The following SIRT5 variants were observed in gnomAD, a reference collection of about 807,000 sequenced individuals.
SIRT5 encodes the protein NAD-dependent protein deacylase sirtuin-5, mitochondrial.
A neutral mutation model predicts 40.0 loss-of-function variants in SIRT5; 26 were observed. That is an observed-to-expected ratio of 0.65 (90% confidence interval 0.48 to 0.90). SIRT5 has a LOEUF of 0.90. SIRT5 is among the 40% of genes least tolerant of loss of function. SIRT5 has a pLI of 0.00. For synonymous variants in SIRT5, 146 were observed against 149.1 expected (o/e 0.98, Z 0.15); for missense variants, 401 against 402.4 (o/e 1.00, Z 0.03).
At chr6:13,577,785 C>G (rs1758816192) in intron 1 of SIRT5, among the ~76,000 whole-genome samples, 1 of 150,832 alleles carries the variant, frequency 6.6e-6, no homozygotes, top group African/African-American at 2.4e-5. Context: ...AAAAATTCTT[C>G]CCTTCCTATT....
intron 1 of SIRT5, among the ~76,000 whole-genome samples, chr6:13,575,776 T>C (rs1482238927): frequency 6.6e-6 from 1 of 152,172 alleles, no homozygotes; most frequent in Non-Finnish European, 1.5e-5. Context: ...AACTAAAACT[T>C]TGTATCCTTT....
chr6:13,603,161 C>T (rs992177144), intron 9 of SIRT5, among the ~76,000 whole-genome samples: 5 of 151,650 alleles, frequency 3.3e-5, no homozygotes, highest in Non-Finnish European at 7.4e-5. Flanking sequence ...TCTGTAGTCC[C>T]AGCTACTCGG....
chr6:13,596,693 C>A (rs1018631099), intron 6 of SIRT5, among the ~76,000 whole-genome samples: 1 of 152,132 alleles, frequency 6.6e-6, no homozygotes, highest in Non-Finnish European at 1.5e-5. Context: ...TACTGTATTG[C>A]CGAGGGTTGT....
chr6:13,581,128 A>G (rs563989464), intron 2 of SIRT5, among the ~76,000 whole-genome samples: 1 of 152,320 alleles, frequency 6.6e-6, no homozygotes, highest in African/African-American at 2.4e-5. Flanking sequence ...CAAGTACTAC[A>G]CCTAGACATT....
intron 5 of SIRT5, among the ~76,000 whole-genome samples, chr6:13,592,678 G>A (rs1335127906): frequency 6.6e-6 from 1 of 152,128 alleles, no homozygotes; most frequent in Admixed American, 6.5e-5. Flanking sequence ...AGTTTGTCTT[G>A]GGTCCCTCTG....
At chr6:13,592,003 T>C in intron 5 of SIRT5, 109 bp downstream of exon 5, 1 of 1,020,382 alleles carries the variant, frequency 9.8e-7, no homozygotes, top group Non-Finnish European at 1.4e-6. Flanking sequence ...ACATCCGTCC[T>C]GTCCTATAGG....
At chr6:13,608,606 A>C (rs1165100447) in intron 9 of SIRT5, among the ~76,000 whole-genome samples, 2 of 151,620 alleles carry the variant, frequency 1.3e-5, no homozygotes, top group African/African-American at 4.8e-5. Flanking sequence ...AAAAAGAGAG[A>C]GAGAAAGAAA....
chr6:13,604,768 G>A (rs1762883240), intron 9 of SIRT5: 1 of 1,202,812 alleles, frequency 8.3e-7, no homozygotes, highest in South Asian at 2.6e-5. Context: ...CTCAAGTCAA[G>A]CCTCCTAAAA....
chr6:13,610,199 AGCCTCAAGCGATCCTCCT>A (rs1341958780), intron 9 of SIRT5, among the ~76,000 whole-genome samples: 1 of 151,992 alleles, frequency 6.6e-6, no homozygotes, highest in African/African-American at 2.4e-5. Flanking sequence ...TTGAACTCCT[AGCCTCAAGCGATCCTCCT>A]GCCTCAGCCT....
Position 13,599,172 on chromosome 6 carries a change from C to T in SIRT5, c.741+17C>T. 6.2e-7 allele frequency: 1 copy of T among 1,612,312 alleles called. No individual in the cohort carries two copies. Among genetic ancestry groups the T allele is most frequent in the Non-Finnish European group, 8.5e-7 (1 of 1,179,074 alleles). Reference sequence around the variant, plus strand: ...TGTCTAGTGGTGGGTCATGCCCTTCCCTAACCCCAGGACAGGACTGGAGTT... The same window carrying T: ...TGTCTAGTGGTGGGTCATGCCCTTCTCTAACCCCAGGACAGGACTGGAGTT... On this transcript the variant is annotated intron_variant, in intron 8 of 9. Coordinates refer to ENST00000606117, the MANE Select transcript of SIRT5 (RefSeq NM_012241.5).
At chr6:13,598,943 T>G (rs1186621733) in intron 7 of SIRT5, 89 bp from the exon 8 acceptor site, 1 of 1,507,178 alleles carries the variant, frequency 6.6e-7, no homozygotes, top group African/African-American at 1.4e-5. Flanking sequence ...CCCATCTGGA[T>G]GTACTAGGTT....
chr6:13,611,389 C>T lies in SIRT5; in HGVS notation c.858-401C>T, dbSNP rs553864147. Among the ~76,000 whole-genome samples, 77 of 151,322 alleles carry T rather than the reference C, an allele frequency of 5.1e-4. No individual in the cohort carries two copies. In the South Asian group the frequency reaches 0.016, roughly 32 times the overall value. On this transcript the variant is annotated intron_variant, in intron 9 of 9. Coordinates refer to ENST00000606117, the MANE Select transcript of SIRT5 (RefSeq NM_012241.5). Reference sequence around the variant, plus strand: ...ATAAAATACATATATAACACACATACATGTATATTTTATACTTACAATTTC... The same window carrying T: ...ATAAAATACATATATAACACACATATATGTATATTTTATACTTACAATTTC...
At chr6:13,585,186 C>T (rs571703354) in intron 3 of SIRT5, 13 of 152,062 alleles carry the variant, frequency 8.5e-5, no homozygotes, top group African/African-American at 2.4e-4. Flanking sequence ...ACGAGAATGG[C>T]GTGTTGTGAC....
At chr6:13,606,679 T>C (rs1040513316) in intron 9 of SIRT5, among the ~76,000 whole-genome samples, 2 of 152,150 alleles carry the variant, frequency 1.3e-5, no homozygotes, top group Admixed American at 6.5e-5. Flanking sequence ...TTTTTGTTTG[T>C]TTTTTGTTTT....
chr6:13,608,208 A>AT (rs1763372721), intron 9 of SIRT5, among the ~76,000 whole-genome samples: 1 of 152,172 alleles, frequency 6.6e-6, no homozygotes, highest in South Asian at 2.1e-4. Context: ...GAAACTTTGC[A>AT]TTTTTTCTTT....
At chr6:13,579,676 T>A (rs2804912) in intron 2 of SIRT5, 67 bp downstream of exon 2, 1 of 151,986 alleles carries the variant, frequency 6.6e-6, no homozygotes, top group Non-Finnish European at 1.5e-5. Flanking sequence ...TTTTAGTTAC[T>A]GTTAGGCAGT....
rs1287266775 is a variant in SIRT5 at position 13,607,032 on chromosome 6, G to C, written c.858-4758G>C. Among the ~76,000 whole-genome samples the C allele has an allele frequency of 6.6e-6, 1 of 150,852 alleles. No homozygotes were observed. Among genetic ancestry groups the C allele is most frequent in the Non-Finnish European group, 1.5e-5 (1 of 67,824 alleles). ...GAGCTAAAGGCCTTTTGTTTGAGTA[G>C]GGATCTGCTGATTGGAGCTCACCTT... On this transcript the variant is annotated intron_variant, in intron 9 of 9. Coordinates refer to ENST00000606117, the MANE Select transcript of SIRT5 (RefSeq NM_012241.5). The surrounding 1 kb of genome is among the most constrained non-coding windows in gnomAD (Gnocchi z 4.0).
intron 8 of SIRT5, among the ~76,000 whole-genome samples, chr6:13,599,431 GA>G (rs1161714784): frequency 6.6e-6 from 1 of 152,060 alleles, no homozygotes; most frequent in Non-Finnish European, 1.5e-5. Flanking sequence ...CAAAAACAAA[GA>G]AAAGAACATG....
intron 9 of SIRT5, among the ~76,000 whole-genome samples, chr6:13,608,669 TTTAA>T (rs1392305108): frequency 6.6e-6 from 1 of 152,194 alleles, no homozygotes; most frequent in African/African-American, 2.4e-5. Context: ...ATATGAATTA[TTTAA>T]TTTTTTCAAT....
Sources: gnomAD v4.1 joint callset for allele counts (sites outside exome capture counted in the v4.1 genomes callset) on GRCh38, gnomAD v4.1.1 for gene constraint, Gnocchi (gnomAD v3.1) non-coding constraint, MANE v1.5 for transcripts, NCBI Gene and HGNC (gene_info 2026-07-23, HGNC 2026-07-21) for gene names.